Variants in NSD1 observed in about 807,000 individuals in gnomAD.
The protein encoded by NSD1 is histone-lysine N-methyltransferase, H3 lysine-36 specific.
In NSD1, 26 loss-of-function variants were observed where a neutral mutation model predicts 242.7. The ratio of observed to expected loss-of-function variants is 0.11; its 90% CI spans 0.08 to 0.15. The LOEUF (loss-of-function observed/expected upper bound fraction) is 0.15, where lower values mean the gene tolerates loss of function less well. NSD1 is among the 10% of genes least tolerant of loss of function. The probability of loss-of-function intolerance (pLI) is 1.00; values close to 1 mark genes in which losing one functional copy is unlikely to be tolerated. For synonymous variants in NSD1, 1,106 were observed against 1,178.1 expected (o/e 0.94, Z 1.25); for missense variants, 2,495 against 3,272.8 (o/e 0.76, Z 5.80).
chr5:177,143,963 T>C (rs1161226798), intron 2 of NSD1, among the ~76,000 whole-genome samples: 1 of 152,010 alleles, frequency 6.6e-6, no homozygotes, highest in African/African-American at 2.4e-5. Flanking sequence ...TTTTGTGTTT[T>C]TAGTAGAGAT....
intron 2 of NSD1, among the ~76,000 whole-genome samples, chr5:177,187,537 C>G (rs1285281942): frequency 6.6e-6 from 1 of 152,134 alleles, no homozygotes; most frequent in East Asian, 1.9e-4. Flanking sequence ...TGCAATACCA[C>G]AAACTAGCTG....
At chr5:177,223,469 A>G (rs1425216452) in intron 5 of NSD1, among the ~76,000 whole-genome samples, 1 of 151,962 alleles carries the variant, frequency 6.6e-6, no homozygotes, top group East Asian at 1.9e-4. Context: ...GCTACTTGGG[A>G]GGCTGAGGCA....
rs1284722888 is a variant in NSD1, at chr5:177,178,803, G to A, written c.928-13081G>A. ...TTTTATTGATTACTGAGTAGGTGCT[G>A]GAGTTTAAAACATGAATAAGACAAA... On this transcript the variant is annotated intron_variant, in intron 2 of 22. Coordinates refer to ENST00000439151, the MANE Select transcript of NSD1 (RefSeq NM_022455.5). Among the ~76,000 whole-genome samples the A allele has an allele frequency of 2.0e-5, 3 of 152,082 alleles. No homozygotes were observed. In the East Asian group the frequency reaches 5.8e-4, roughly 29 times the overall value.
chr5:177,257,973 CTTTTTTTTTTTTTT>C (rs35034666), intron 13 of NSD1, among the ~76,000 whole-genome samples: 1 of 52,550 alleles, frequency 1.9e-5, no homozygotes, highest in Non-Finnish European at 3.2e-5. Flanking sequence ...CCCCCTGGGC[CTTTTTTTTTTTTTT>C]TTTTTTTTTT....
At chr5:177,263,612 G>GA in intron 14 of NSD1, among the ~76,000 whole-genome samples, 1 of 152,332 alleles carries the variant, frequency 6.6e-6, no homozygotes, top group East Asian at 1.9e-4. Flanking sequence ...TCTCTGTGAT[G>GA]AAGTGGGAAG....
chr5:177,193,631 T>C (rs900920286), intron 3 of NSD1, among the ~76,000 whole-genome samples: 1 of 152,066 alleles, frequency 6.6e-6, no homozygotes, highest in African/African-American at 2.4e-5. Context: ...GATTTTATTT[T>C]AGTTTTAATA....
intron 2 of NSD1, among the ~76,000 whole-genome samples, chr5:177,175,211 T>G (rs1348049821): frequency 6.6e-6 from 1 of 152,192 alleles, no homozygotes; most frequent in Non-Finnish European, 1.5e-5. Context: ...ATTGATTTAG[T>G]TTTGGGCAAA....
upstream of NSD1, chr5:177,133,067 G>T: frequency 6.5e-6 from 1 of 153,710 alleles, no homozygotes. This position sits in a 1 kb window ranked among gnomAD's most constrained non-coding sequence, Gnocchi z 6.2. Context: ...TGGTGGTGTG[G>T]GTTTGGGGTG....
At chr5:177,163,805 TAGAG>T (rs1487736340) in intron 2 of NSD1, among the ~76,000 whole-genome samples, 1 of 152,154 alleles carries the variant, frequency 6.6e-6, no homozygotes, top group Non-Finnish European at 1.5e-5. Context: ...AATTGAAGCT[TAGAG>T]AGATTTAAGT....
Position 177,295,212 on chromosome 5 carries a change from A to G in NSD1, c.7844A>G (p.Lys2615Arg). Residue 2615 changes from lysine to arginine, a missense_variant, in exon 23 of 23, where the codon AAG (lysine) becomes AGG (arginine). Transcript: ENST00000439151. The surrounding 1 kb of genome is among the most constrained non-coding windows in gnomAD (Gnocchi z 4.3). ...CCAGCCTCCCTCCCCACTGAAGAAA[A>G]GAAGTTGGTAACCACAGAGCAAAGT... ...KAPASLPTEE[K>R]KLVTTEQSPW... is the part of the protein sequence containing the mutation. The G allele has an allele frequency of 1.9e-6, 3 of 1,614,218 alleles. No homozygotes were observed. Among genetic ancestry groups the G allele is most frequent in the Non-Finnish European group, 2.5e-6 (3 of 1,180,038 alleles).
intron 20 of NSD1, among the ~76,000 whole-genome samples, chr5:177,286,740 G>A (rs915472904): frequency 6.6e-6 from 1 of 152,142 alleles, no homozygotes; most frequent in Non-Finnish European, 1.5e-5. Context: ...TCTGCTGAGT[G>A]CTGATAGTCC....
chr5:177,273,847 T>C (rs1758136438), intron 17 of NSD1, 63 bp downstream of exon 17: 1 of 1,070,446 alleles, frequency 9.3e-7, no homozygotes, highest in Non-Finnish European at 1.4e-6. Context: ...CTCTTCCCAC[T>C]CTGTTCATGA....
chr5:177,258,365 TTTTG>T (rs1006832970), intron 13 of NSD1, among the ~76,000 whole-genome samples: 8 of 152,008 alleles, frequency 5.3e-5, no homozygotes, highest in South Asian at 2.1e-4. Context: ...TTGATTTGTT[TTTTG>T]TTTGTTTGTT....
At chr5:177,185,907 T>C (rs1388343673) in intron 2 of NSD1, among the ~76,000 whole-genome samples, 98 of 81,300 alleles carry the variant, frequency 1.2e-3, no homozygotes, top group African/African-American at 5.7e-3. Flanking sequence ...ATATTTTATA[T>C]AATTATATAT....
At chr5:177,274,205 A>T (rs1170427401) in intron 17 of NSD1, among the ~76,000 whole-genome samples, 3 of 152,122 alleles carry the variant, frequency 2.0e-5, no homozygotes, top group Non-Finnish European at 4.4e-5. Context: ...TTCCTAGCGC[A>T]TTGCCAGGAT....
At chr5:177,280,434 C>A in intron 17 of NSD1, 131 bp from the exon 18 acceptor site, 1 of 985,014 alleles carries the variant, frequency 1.0e-6, no homozygotes, top group South Asian at 1.3e-5. Flanking sequence ...TTATATGAAA[C>A]TAAGTGTTGA....
In NSD1 at chr5:177,281,692, G is replaced by A. The variant is rs532743396; in HGVS notation, c.5893-773G>A. On this transcript the variant is annotated intron_variant, in intron 18 of 22. Transcript: ENST00000439151. ...TTTTGAGAGAGGGTCTCACTCTGTC[G>A]CCCAAACTGGAGCGCACTGGTGCCA... is the stretch of plus-strand genomic sequence containing the variant. Among the ~76,000 whole-genome samples, 26 of 152,130 alleles carry A rather than the reference G, an allele frequency of 1.7e-4. No individual in the cohort carries two copies. The East Asian group carries it at 2.7e-3, about 16-fold the overall frequency.
intron 5 of NSD1, among the ~76,000 whole-genome samples, chr5:177,231,871 A>T (rs985450229): frequency 5.9e-5 from 9 of 151,920 alleles, no homozygotes; most frequent in Non-Finnish European, 1.0e-4. Context: ...TGTTATTGGG[A>T]TAATGACATA....
chr5:177,219,620 G>C (rs1006654636), intron 5 of NSD1, among the ~76,000 whole-genome samples: 1 of 152,106 alleles, frequency 6.6e-6, no homozygotes, highest in Non-Finnish European at 1.5e-5. Context: ...AGTTTCACTT[G>C]ATTGTGACTG....
Sources: allele counts gnomAD v4.1 joint callset (sites outside exome capture counted in the v4.1 genomes callset), GRCh38; gene constraint gnomAD v4.1.1; non-coding constraint Gnocchi (gnomAD v3.1); transcripts MANE v1.5; gene names NCBI Gene and HGNC (gene_info 2026-07-23, HGNC 2026-07-21).